The following L3MBTL4 variants were observed in gnomAD, a reference collection of about 807,000 sequenced individuals.
L3MBTL4 encodes the protein lethal(3)malignant brain tumor-like protein 4.
In L3MBTL4, 70 loss-of-function variants were observed where a neutral mutation model predicts 84.5. That is an observed-to-expected ratio of 0.83 (90% CI 0.68 to 1.01). The LOEUF (loss-of-function observed/expected upper bound fraction) is 1.01, where lower values mean the gene tolerates loss of function less well. Ranked by LOEUF, L3MBTL4 falls within the 50% of genes least tolerant of loss-of-function variation. L3MBTL4 has a pLI of 0.00. For missense variants in L3MBTL4, 715 were observed against 754.8 expected (o/e 0.95, Z 0.62); for synonymous variants, 274 against 259.8 (o/e 1.05, Z -0.52).
intron 14 of L3MBTL4, among the ~76,000 whole-genome samples, chr18:6,128,034 G>T (rs1213968662): frequency 2.0e-5 from 2 of 98,034 alleles, no homozygotes; most frequent in African/African-American, 6.2e-5. Context: ...AATATTGGGT[G>T]GGGCGGGGGA....
chr18:6,298,709 C>T (rs1390099634), intron 4 of L3MBTL4, among the ~76,000 whole-genome samples: 2 of 152,100 alleles, frequency 1.3e-5, no homozygotes, highest in African/African-American at 4.8e-5. Flanking sequence ...CCCATCTCTA[C>T]TACAAATACA....
rs558633711 is a variant in L3MBTL4 at position 5,969,708 on chromosome 18, C to T, written c.1445-146G>A. On this transcript the variant is annotated intron_variant, in intron 16 of 18. Transcript: ENST00000317931. ...GCGTCTTCTGATCGTACAGCATCAC[C>T]CCCAAGCATACCCTATGCCACCAGT... 8.4e-6 allele frequency: 6 copies of T among 715,716 alleles called. No homozygotes were observed. The African/African-American group carries it at 1.1e-4, about 13-fold the overall frequency. The allele number at this position is 715,716 out of a possible 1,614,324, so 44.3% of individuals were successfully genotyped here.
chr18:6,119,151 G>C (rs2059450847), intron 14 of L3MBTL4, among the ~76,000 whole-genome samples: 1 of 151,988 alleles, frequency 6.6e-6, no homozygotes, highest in Non-Finnish European at 1.5e-5. Flanking sequence ...CAAGTTACAG[G>C]TAGTGAAAGA....
intron 14 of L3MBTL4, among the ~76,000 whole-genome samples, chr18:6,098,944 A>G (rs2058725215): frequency 6.6e-6 from 1 of 152,158 alleles, no homozygotes; most frequent in South Asian, 2.1e-4. Flanking sequence ...AAGCATGAAT[A>G]GTCATACCTA....
intron 15 of L3MBTL4, among the ~76,000 whole-genome samples, chr18:6,085,041 C>A (rs2058213817): frequency 6.6e-6 from 1 of 152,168 alleles, no homozygotes; most frequent in Non-Finnish European, 1.5e-5. Context: ...TATTCTCAGT[C>A]AAGCAAAATG....
chr18:6,019,154 T>C (rs1159133060), intron 16 of L3MBTL4, among the ~76,000 whole-genome samples: 1 of 152,188 alleles, frequency 6.6e-6, no homozygotes, highest in African/African-American at 2.4e-5. Flanking sequence ...ACAGATTTTA[T>C]ACCATTAAAG....
intron 13 of L3MBTL4, among the ~76,000 whole-genome samples, chr18:6,165,355 G>C (rs2043591685): frequency 1.3e-5 from 2 of 152,204 alleles, no homozygotes; most frequent in African/African-American, 4.8e-5. Context: ...TCCTCGAGAA[G>C]AGCAATTCCA....
At chr18:6,209,187 T>A (rs1036721282) in intron 12 of L3MBTL4, among the ~76,000 whole-genome samples, 2 of 152,104 alleles carry the variant, frequency 1.3e-5, no homozygotes, top group African/African-American at 4.8e-5. Context: ...AAAAATAACA[T>A]CTACCTAAAA....
chr18:6,120,372 G>A (rs900046464), intron 14 of L3MBTL4, among the ~76,000 whole-genome samples: 4 of 152,276 alleles, frequency 2.6e-5, no homozygotes, highest in East Asian at 3.9e-4. Flanking sequence ...CCAGCTTGGC[G>A]TTACTAACCT....
intron 16 of L3MBTL4, among the ~76,000 whole-genome samples, chr18:6,044,399 T>C (rs1205646974): frequency 6.6e-6 from 1 of 152,198 alleles, no homozygotes; most frequent in Admixed American, 6.5e-5. Context: ...GGAACTGCCC[T>C]ATCTATCTCT....
intron 13 of L3MBTL4, among the ~76,000 whole-genome samples, chr18:6,144,101 C>T (rs2042542454): frequency 7.0e-6 from 1 of 142,960 alleles, no homozygotes. Flanking sequence ...GAGGCTGAGG[C>T]AAGAGAATGG....
Position 6,396,979 on chromosome 18 carries a change from G to T in L3MBTL4, c.-91+17822C>A, listed in dbSNP as rs1051593223. ...TCTTTATTCAGTCAAACAAGTAAACGTTTTAAGTGTAAAAATAGATGTTTA... is the reference window on the plus strand; with the variant it reads ...TCTTTATTCAGTCAAACAAGTAAACTTTTTAAGTGTAAAAATAGATGTTTA... On this transcript the variant is annotated intron_variant, in intron 1 of 18. Coordinates refer to ENST00000317931, the MANE Select transcript of L3MBTL4 (RefSeq NM_001330559.2). The T allele has an allele frequency of 5.9e-5, 9 of 152,140 alleles. 1 individual carries two copies. The South Asian group carries it at 6.2e-4, about 11-fold the overall frequency. 9.4% of individuals were successfully genotyped at this position (152,140 alleles called of 1,614,324 possible). A position where few individuals can be genotyped will look rare whatever the true frequency, so the allele number is the denominator to read the frequency against.
chr18:5,990,932 A>C (rs565020270), intron 16 of L3MBTL4, among the ~76,000 whole-genome samples: 1 of 151,950 alleles, frequency 6.6e-6, no homozygotes, highest in African/African-American at 2.4e-5. Flanking sequence ...TTGGAATATC[A>C]TTTTCTTCCT....
At chr18:6,127,993 A>G (rs1302808502) in intron 14 of L3MBTL4, among the ~76,000 whole-genome samples, 1 of 147,552 alleles carries the variant, frequency 6.8e-6, no homozygotes, top group Non-Finnish European at 1.5e-5. Flanking sequence ...GAAGAAGCCA[A>G]CCAACCTAAC....
intron 15 of L3MBTL4, among the ~76,000 whole-genome samples, chr18:6,090,796 T>A (rs1488575095): frequency 1.3e-5 from 2 of 150,680 alleles, no homozygotes; most frequent in Admixed American, 6.6e-5. Context: ...ACCTATTTTT[T>A]TTTTTTTTTT....
chr18:6,082,098 T>A (rs2058098172), intron 15 of L3MBTL4, among the ~76,000 whole-genome samples: 1 of 152,088 alleles, frequency 6.6e-6, no homozygotes, highest in Admixed American at 6.6e-5. Context: ...AGTGAATATT[T>A]AAATGCTCAA....
At chr18:6,372,059 A>AC (rs1357393245) in intron 1 of L3MBTL4, among the ~76,000 whole-genome samples, 5 of 151,964 alleles carry the variant, frequency 3.3e-5, no homozygotes. Flanking sequence ...GGCCCTGACC[A>AC]CCCCTCCACC....
chr18:6,215,509 A>ACCTC (rs2046287014), intron 11 of L3MBTL4, among the ~76,000 whole-genome samples: 1 of 152,164 alleles, frequency 6.6e-6, no homozygotes, highest in Non-Finnish European at 1.5e-5. Flanking sequence ...AGGTGTTTTC[A>ACCTC]ATTGTACCTC....
intron 1 of L3MBTL4, among the ~76,000 whole-genome samples, chr18:6,382,339 C>T (rs2144367478): frequency 6.6e-6 from 1 of 152,280 alleles, no homozygotes; most frequent in East Asian, 1.9e-4. Flanking sequence ...TCTGTCAATT[C>T]ATCAGACTCA....
Sources: allele counts gnomAD v4.1 joint callset (sites outside exome capture counted in the v4.1 genomes callset), GRCh38; gene constraint gnomAD v4.1.1; transcripts MANE v1.5; gene names NCBI Gene and HGNC (gene_info 2026-07-23, HGNC 2026-07-21).